Variants in PPP2R3C observed in about 807,000 individuals in gnomAD.
The protein encoded by PPP2R3C is protein phosphatase 2 regulatory subunit B''gamma.
In PPP2R3C, 47 loss-of-function variants were observed where a neutral mutation model predicts 63.7. That is an observed-to-expected ratio of 0.74 (90% CI 0.58 to 0.94). The LOEUF (loss-of-function observed/expected upper bound fraction) is 0.94. Among genes scored for constraint, PPP2R3C ranks in the 40% least tolerant of loss-of-function variants. The pLI is 0.00. For missense variants in PPP2R3C, 421 were observed against 518.4 expected, an observed-to-expected ratio of 0.81 and a Z score of 1.82; for synonymous variants, 180 against 177.4, an observed-to-expected ratio of 1.01 and a Z score of -0.12.
chr14:35,085,522 T>C lies in PPP2R3C; in HGVS notation c.*68A>G, dbSNP rs2045561714. ...TTTATTTAGACCATTTCTGAGGATT[T>C]TGCTTTAAAGGCTTTACATGCAGCA... On this transcript the variant is annotated 3_prime_UTR_variant, in exon 13 of 13. Coordinates refer to ENST00000261475, the MANE Select transcript of PPP2R3C (RefSeq NM_017917.4). 7.3e-7 allele frequency: 1 copy of C among 1,361,162 alleles called. No homozygotes were observed. The highest frequency in any genetic ancestry group is 9.9e-7 in the Non-Finnish European group (1 of 1,010,252). 84.3% of individuals were successfully genotyped at this position (1,361,162 alleles called of 1,614,324 possible). A position where few individuals can be genotyped will look rare whatever the true frequency, so the allele number is the denominator to read the frequency against.
chr14:35,110,198 A>G (rs539222259), intron 3 of PPP2R3C: 4 of 446,728 alleles, frequency 9.0e-6, no homozygotes, highest in African/African-American at 8.0e-5. Context: ...TAATCGAAGC[A>G]CAGAGATGTT....
chr14:35,122,179 A>G (rs538962924), upstream of PPP2R3C: 12 of 566,932 alleles, frequency 2.1e-5, no homozygotes, highest in African/African-American at 2.2e-4. Flanking sequence ...AAACTATGAA[A>G]GAGATGGAAA....
At chr14:35,121,081 A>G (rs1352229737) in intron 1 of PPP2R3C, among the ~76,000 whole-genome samples, 2 of 152,162 alleles carry the variant, frequency 1.3e-5, no homozygotes, top group Non-Finnish European at 2.9e-5. Context: ...GACTTGTATT[A>G]AAAGTGAGAT....
chr14:35,117,246 C>A, intron 1 of PPP2R3C: 1 of 440,114 alleles, frequency 2.3e-6, no homozygotes, highest in Non-Finnish European at 4.6e-6. Flanking sequence ...CTCTATTACC[C>A]TGCAACTCGC....
intron 10 of PPP2R3C, among the ~76,000 whole-genome samples, chr14:35,092,839 C>G (rs936599307): frequency 6.6e-6 from 1 of 152,094 alleles, no homozygotes; most frequent in Non-Finnish European, 1.5e-5. Context: ...CAATAAGAAG[C>G]TGTCTTGAGA....
At chr14:35,104,450 T>C (rs1377972989) in intron 6 of PPP2R3C, among the ~76,000 whole-genome samples, 1 of 152,172 alleles carries the variant, frequency 6.6e-6, no homozygotes, top group Non-Finnish European at 1.5e-5. Flanking sequence ...ATTTGATTAA[T>C]TAACCTAGTT....
chr14:35,099,142 T>C, intron 7 of PPP2R3C, 110 bp downstream of exon 7: 1 of 1,320,956 alleles, frequency 7.6e-7, no homozygotes, highest in Non-Finnish European at 9.9e-7. Context: ...AAATTTTTAA[T>C]GGCAGTGACA....
intron 10 of PPP2R3C, among the ~76,000 whole-genome samples, chr14:35,092,590 CTGAG>C (rs1202991878): frequency 2.0e-5 from 3 of 152,018 alleles, no homozygotes; most frequent in African/African-American, 7.3e-5. Context: ...CCTCAGCCTC[CTGAG>C]TATCTGGGAT....
intron 1 of PPP2R3C, among the ~76,000 whole-genome samples, chr14:35,120,723 G>A (rs1161442418): frequency 2.0e-5 from 3 of 152,064 alleles, no homozygotes; most frequent in Non-Finnish European, 4.4e-5. Context: ...GAGGTAGGAA[G>A]ACTGCCTGAG....
At position 35,088,780 on chromosome 14, in the gene PPP2R3C, G is replaced by A. The variant is rs375763766; in HGVS notation, c.1114-770C>T. Among the ~76,000 whole-genome samples the A allele has an allele frequency of 2.9e-4, 44 of 152,246 alleles. 1 individual carries two copies. The highest frequency in any genetic ancestry group is 2.7e-3 in the East Asian group (14 of 5,186). On this transcript the variant is annotated intron_variant, in intron 11 of 12. Transcript: ENST00000261475. The stretch of plus-strand genomic sequence containing the variant: ...ATCATTAGGATAGTGATGTCCAAAC[G>A]CTCTGTGAACAGCCCAGGATTATAG...
chr14:35,088,123 A>G (rs1428112453), intron 11 of PPP2R3C, 113 bp from the exon 12 acceptor site: 7 of 771,154 alleles, frequency 9.1e-6, no homozygotes, highest in Non-Finnish European at 2.3e-6. Flanking sequence ...CACAAACCTC[A>G]TCATTCTCTC....
At chr14:35,120,127 C>A (rs546376162) in intron 1 of PPP2R3C, among the ~76,000 whole-genome samples, 1 of 151,678 alleles carries the variant, frequency 6.6e-6, no homozygotes, top group African/African-American at 2.4e-5. Context: ...GCTTGAGCCA[C>A]CGCGCCCGGC....
At chr14:35,089,537 GA>G (rs2045721784) in intron 11 of PPP2R3C, among the ~76,000 whole-genome samples, 2 of 151,950 alleles carry the variant, frequency 1.3e-5, no homozygotes, top group Admixed American at 1.3e-4. Flanking sequence ...ATTTTTTGTA[GA>G]AGTTGGGGTT....
At chr14:35,107,239 A>G (rs560956405) in intron 6 of PPP2R3C, 65 bp downstream of exon 6, 2 of 1,237,810 alleles carry the variant, frequency 1.6e-6, no homozygotes, top group African/African-American at 1.5e-5. Flanking sequence ...ACACCCAGTG[A>G]TAACTACAGT....
At chr14:35,089,434 T>C (rs1234920127) in intron 11 of PPP2R3C, among the ~76,000 whole-genome samples, 2 of 152,132 alleles carry the variant, frequency 1.3e-5, no homozygotes, top group South Asian at 2.1e-4. Context: ...TATTTCAACA[T>C]AGCAAATAAA....
intron 6 of PPP2R3C, 97 bp from the exon 7 acceptor site, chr14:35,099,481 T>C: frequency 7.5e-7 from 1 of 1,338,234 alleles, no homozygotes; most frequent in South Asian, 1.6e-5. Context: ...AATACTATAT[T>C]GATAAAGAAA....
At chr14:35,099,656 A>C in intron 6 of PPP2R3C, 1 of 292,406 alleles carries the variant, frequency 3.4e-6, no homozygotes, top group African/African-American at 2.3e-5. Flanking sequence ...CCAAAGGTTA[A>C]GTAACTTGTA....
chr14:35,086,945 G>C (rs1361504665), intron 12 of PPP2R3C: 1 of 151,944 alleles, frequency 6.6e-6, no homozygotes, highest in Non-Finnish European at 1.5e-5. Flanking sequence ...TTACAGCCGT[G>C]TACCACCACA....
intron 6 of PPP2R3C, 87 bp from the exon 7 acceptor site, chr14:35,099,471 A>T: frequency 7.2e-7 from 1 of 1,388,916 alleles, no homozygotes; most frequent in Non-Finnish European, 9.6e-7. Context: ...ATTCAGCATT[A>T]ATACTATATT....
Sources: allele counts gnomAD v4.1 joint callset (sites outside exome capture counted in the v4.1 genomes callset), GRCh38; gene constraint gnomAD v4.1.1; transcripts MANE v1.5; gene names NCBI Gene and HGNC (gene_info 2026-07-23, HGNC 2026-07-21).